PITPNB: variants seen among roughly 807,000 people sequenced by gnomAD.
PITPNB encodes phosphatidylinositol transfer protein beta.
In PITPNB, 16 loss-of-function variants were observed where a neutral mutation model predicts 45.9. The observed-to-expected ratio is 0.35, with a 90% CI of 0.24 to 0.53. PITPNB has a LOEUF of 0.53. Ranked by LOEUF, PITPNB falls within the 20% of genes least tolerant of loss-of-function variation. The probability of loss-of-function intolerance (pLI) is 0.93; values close to 1 mark genes in which losing one functional copy is unlikely to be tolerated. For synonymous variants in PITPNB, 112 were observed against 108.9 expected (o/e 1.03, Z -0.18); for missense variants, 188 against 330.5 (o/e 0.57, Z 3.34).
intron 8 of PITPNB, among the ~76,000 whole-genome samples, chr22:27,871,215 T>C (rs1376390827): frequency 1.3e-5 from 2 of 152,230 alleles, no homozygotes. Flanking sequence ...TCCAAGTTCC[T>C]AAAAAGTTAG....
chr22:27,886,170 G>T (rs11090518), intron 7 of PITPNB, among the ~76,000 whole-genome samples: 5,540 of 152,244 alleles, frequency 0.036, 154 homozygotes, highest in African/African-American at 0.069. Context: ...CTTGAAACAG[G>T]AAATCCGTTT....
chr22:27,901,741 G>T (rs973454324), intron 3 of PITPNB, among the ~76,000 whole-genome samples: 7 of 152,052 alleles, frequency 4.6e-5, no homozygotes, highest in South Asian at 2.1e-4. Flanking sequence ...AAAATTAGCT[G>T]GACATGGTGG....
intron 7 of PITPNB, among the ~76,000 whole-genome samples, chr22:27,893,093 C>T (rs1338666244): frequency 6.6e-6 from 1 of 152,206 alleles, no homozygotes; most frequent in Non-Finnish European, 1.5e-5. Flanking sequence ...ACTGAACATA[C>T]CGTGCTTGAC....
At chr22:27,896,855 G>A (rs1020068863) in intron 5 of PITPNB, 5 of 603,314 alleles carry the variant, frequency 8.3e-6, no homozygotes, top group East Asian at 2.8e-5. Context: ...GTGGCATATC[G>A]GGCTAATAAA....
intron 3 of PITPNB, among the ~76,000 whole-genome samples, chr22:27,903,426 G>A (rs1935662835): frequency 6.9e-6 from 1 of 144,110 alleles, no homozygotes; most frequent in Non-Finnish European, 1.5e-5. Flanking sequence ...CCGAGATCAC[G>A]CCATTGCACT....
chr22:27,885,234 A>T (rs1222788956), intron 7 of PITPNB, among the ~76,000 whole-genome samples: 2 of 134,984 alleles, frequency 1.5e-5, no homozygotes, highest in East Asian at 2.0e-4. Flanking sequence ...AAAAAAAAAA[A>T]AAAAAAAAAA....
At chr22:27,897,011 G>A (rs1454723320) in intron 5 of PITPNB, 119 bp downstream of exon 5, 1 of 780,842 alleles carries the variant, frequency 1.3e-6, no homozygotes, top group Non-Finnish European at 2.3e-6. Flanking sequence ...TGGTTGGTGG[G>A]ACACAGGAAG....
At chr22:27,903,368 T>C (rs776590119) in intron 3 of PITPNB, among the ~76,000 whole-genome samples, 1 of 142,996 alleles carries the variant, frequency 7.0e-6, no homozygotes, top group African/African-American at 2.6e-5. Context: ...ACTCGGGAGG[T>C]TGAGGCAGGA....
intron 6 of PITPNB, among the ~76,000 whole-genome samples, chr22:27,896,239 C>T (rs1220775822): frequency 6.6e-6 from 1 of 152,182 alleles, no homozygotes; most frequent in South Asian, 2.1e-4. Context: ...GATATAAAAG[C>T]AATCTAATTA....
At chr22:27,861,068 C>T (rs948439176) in intron 8 of PITPNB, among the ~76,000 whole-genome samples, 7 of 148,784 alleles carry the variant, frequency 4.7e-5, no homozygotes, top group Non-Finnish European at 1.0e-4. Context: ...CAGTGGCTCA[C>T]ACCTGTAATC....
Position 27,887,328 on chromosome 22 carries a change from C to A in PITPNB, c.456+7227G>T, listed in dbSNP as rs1291515330. On this transcript the variant is annotated intron_variant, in intron 7 of 11. Coordinates refer to ENST00000335272, the MANE Select transcript of PITPNB (RefSeq NM_012399.5). The stretch of plus-strand genomic sequence containing the variant: ...TCTAGCTACAGCCTCCTAGTACAGG[C>A]CCAGACATGATGGTGGTCTTGTGAA... Among the ~76,000 whole-genome samples, 5 of 152,250 alleles carry A rather than the reference C, an allele frequency of 3.3e-5. No individual in the cohort carries two copies. The South Asian group carries it at 1.0e-3, about 32-fold the overall frequency.
chr22:27,868,677 C>A (rs754585345), intron 8 of PITPNB, among the ~76,000 whole-genome samples: 1 of 152,098 alleles, frequency 6.6e-6, no homozygotes, highest in South Asian at 2.1e-4. Flanking sequence ...ATGGGGCATG[C>A]CTTTATGATG....
chr22:27,875,585 A>G (rs73425738), intron 7 of PITPNB, among the ~76,000 whole-genome samples: 9 of 152,328 alleles, frequency 5.9e-5, no homozygotes, highest in African/African-American at 2.2e-4. Flanking sequence ...ACACCATAAA[A>G]CATTTTCTTC....
At chr22:27,914,959 C>T (rs1936035019) in intron 1 of PITPNB, among the ~76,000 whole-genome samples, 1 of 152,168 alleles carries the variant, frequency 6.6e-6, no homozygotes, top group Non-Finnish European at 1.5e-5. Flanking sequence ...ACATGTGTTT[C>T]ATCCTGTCCA....
intron 3 of PITPNB, among the ~76,000 whole-genome samples, chr22:27,907,664 A>G (rs1057149088): frequency 6.6e-6 from 1 of 152,028 alleles, no homozygotes; most frequent in African/African-American, 2.4e-5. Context: ...TTCTATGGGA[A>G]TCAACCCTCG....
At chr22:27,911,294 T>C (rs1271815014) in intron 2 of PITPNB, among the ~76,000 whole-genome samples, 185 bp from the exon 3 acceptor site, 1 of 152,190 alleles carries the variant, frequency 6.6e-6, no homozygotes, top group African/African-American at 2.4e-5. Context: ...AACCACAGAT[T>C]ATTATACAGT....
At chr22:27,867,157 G>A (rs941803875) in intron 8 of PITPNB, among the ~76,000 whole-genome samples, 1 of 152,160 alleles carries the variant, frequency 6.6e-6, no homozygotes, top group Non-Finnish European at 1.5e-5. Flanking sequence ...CCCCTACTAT[G>A]AGCAAACCTC....
At chr22:27,858,946 T>C (rs1934244349) in intron 9 of PITPNB, among the ~76,000 whole-genome samples, 1 of 152,212 alleles carries the variant, frequency 6.6e-6, no homozygotes. Flanking sequence ...AAAAGAGTCC[T>C]GGGTTCTTTT....
intron 2 of PITPNB, among the ~76,000 whole-genome samples, chr22:27,911,716 C>T (rs1935929526): frequency 3.3e-5 from 5 of 152,140 alleles, no homozygotes; most frequent in Admixed American, 3.3e-4. Context: ...TTCAGCTAAC[C>T]AGAAACAGTA....
Sources: gnomAD v4.1 joint callset for allele counts (sites outside exome capture counted in the v4.1 genomes callset) on GRCh38, gnomAD v4.1.1 for gene constraint, MANE v1.5 for transcripts, NCBI Gene and HGNC (gene_info 2026-07-23, HGNC 2026-07-21) for gene names.